The following CCDC30 variants were observed in gnomAD, a reference collection of about 807,000 sequenced individuals.
The protein encoded by CCDC30 is coiled-coil domain-containing protein 30.
Under a neutral mutation model 100.2 loss-of-function variants are expected in CCDC30, and 70 were observed. That is an observed-to-expected ratio of 0.70 (90% CI 0.58 to 0.85). The LOEUF (loss-of-function observed/expected upper bound fraction) is 0.85, where lower values mean the gene tolerates loss of function less well. Ranked by LOEUF, CCDC30 falls within the 40% of genes least tolerant of loss-of-function variation. The probability of loss-of-function intolerance (pLI) is 0.00; values close to 1 mark genes in which losing one functional copy is unlikely to be tolerated. For synonymous variants in CCDC30, 233 were observed against 269.5 expected (o/e 0.86, Z 1.33); for missense variants, 652 against 771.2 (o/e 0.85, Z 1.83).
Position 42,554,378 on chromosome 1 carries a change from A to G in CCDC30, c.457-11918A>G, listed in dbSNP as rs533620933. On this transcript the variant is annotated intron_variant, in intron 6 of 16. Transcript: ENST00000668663. ...CTGCAACTTCTGCCTCCTAGGTCCA[A>G]GAGATTCTCCTGCCTCAGCCTCCCA... 7.2e-5 allele frequency among the ~76,000 whole-genome samples: 11 copies of G among 151,800 alleles called. No individual in the cohort carries two copies. In the South Asian group the frequency reaches 2.3e-3, roughly 32 times the overall value.
At chr1:42,553,593 C>T (rs1285572395) in intron 6 of CCDC30, among the ~76,000 whole-genome samples, 1 of 150,688 alleles carries the variant, frequency 6.6e-6, no homozygotes, top group Non-Finnish European at 1.5e-5. Flanking sequence ...GAGTTCAAGG[C>T]TGCAGTGAGC....
chr1:42,529,088 T>C (rs968238791), intron 6 of CCDC30, among the ~76,000 whole-genome samples: 1 of 152,242 alleles, frequency 6.6e-6, no homozygotes, highest in Non-Finnish European at 1.5e-5. Flanking sequence ...ATCCTTTCAC[T>C]TACATCATCC....
chr1:42,560,616 A>G (rs1645467671), intron 6 of CCDC30, among the ~76,000 whole-genome samples: 1 of 151,876 alleles, frequency 6.6e-6, no homozygotes, highest in East Asian at 1.9e-4. Context: ...TGATCCTCCC[A>G]CCTTGGCCTC....
intron 10 of CCDC30, among the ~76,000 whole-genome samples, chr1:42,609,613 A>G (rs961450059): frequency 6.6e-6 from 1 of 151,848 alleles, no homozygotes; most frequent in African/African-American, 2.4e-5. Flanking sequence ...GGCAGTCCCA[A>G]AGTCAGTCCC....
At chr1:42,582,813 G>A (rs1317435482) in intron 9 of CCDC30, among the ~76,000 whole-genome samples, 1 of 152,134 alleles carries the variant, frequency 6.6e-6, no homozygotes, top group African/African-American at 2.4e-5. Flanking sequence ...GTAAAGCCAT[G>A]TTTCTTCTCC....
chr1:42,502,047 C>G (rs868465770), intron 6 of CCDC30, among the ~76,000 whole-genome samples: 1 of 152,172 alleles, frequency 6.6e-6, no homozygotes, highest in Admixed American at 6.5e-5. Flanking sequence ...TATGCCCTGC[C>G]CCCAGAGGTG....
Position 42,536,960 on chromosome 1 carries a change from G to A in CCDC30, c.457-29336G>A, listed in dbSNP as rs74878947. On this transcript the variant is annotated intron_variant, in intron 6 of 16. Transcript: ENST00000668663. Reference sequence around the variant, plus strand: ...AGGCCCCACCCTTATATCCTCATTTGACCTTTATCACCTCCTTATCAACCC... The same window carrying A: ...AGGCCCCACCCTTATATCCTCATTTAACCTTTATCACCTCCTTATCAACCC... 2.8e-4 allele frequency: 100 copies of A among 354,622 alleles called. 1 individual carries two copies. The East Asian group carries it at 7.3e-3, about 26-fold the overall frequency. The allele number at this position is 354,622 out of a possible 1,614,324, so 22.0% of individuals were successfully genotyped here. A position where few individuals can be genotyped will look rare whatever the true frequency, so the allele number is the denominator to read the frequency against.
At chr1:42,510,669 A>T (rs1644463734) in intron 6 of CCDC30, among the ~76,000 whole-genome samples, 1 of 151,682 alleles carries the variant, frequency 6.6e-6, no homozygotes, top group Non-Finnish European at 1.5e-5. Flanking sequence ...AAAAAAAAAA[A>T]AATGTGGAAA....
At chr1:42,552,401 C>T (rs937330811) in intron 6 of CCDC30, among the ~76,000 whole-genome samples, 2 of 152,054 alleles carry the variant, frequency 1.3e-5, no homozygotes, top group African/African-American at 4.8e-5. Flanking sequence ...ACTATGGAAA[C>T]ATAACAAAGG....
At chr1:42,617,740 G>T (rs1036905471) in intron 11 of CCDC30, among the ~76,000 whole-genome samples, 7 of 152,174 alleles carry the variant, frequency 4.6e-5, no homozygotes, top group Non-Finnish European at 7.3e-5. Context: ...CTATCTAGGT[G>T]TCATCAGCTG....
Position 42,614,154 on chromosome 1 carries a change from C to T in CCDC30, c.1277+3064C>T, listed in dbSNP as rs552142835. 2.7e-5 allele frequency among the ~76,000 whole-genome samples: 4 copies of T among 150,428 alleles called. No homozygotes were observed. The East Asian group carries it at 8.0e-4, about 30-fold the overall frequency. On this transcript the variant is annotated intron_variant, in intron 11 of 16. Transcript: ENST00000668663. ...AGAGTGCAGTGGCCGGATCTCGGCT[C>T]ACTGCAAGCTCCACCTCCTGGGTTC...
chr1:42,622,304 T>C (rs1454809059), intron 11 of CCDC30, among the ~76,000 whole-genome samples: 1 of 152,228 alleles, frequency 6.6e-6, no homozygotes, highest in Non-Finnish European at 1.5e-5. Flanking sequence ...TTCCATTATG[T>C]ATAAGTACCA....
intron 5 of CCDC30, among the ~76,000 whole-genome samples, chr1:42,497,769 T>G (rs1176406243): frequency 6.6e-6 from 1 of 152,172 alleles, no homozygotes; most frequent in Non-Finnish European, 1.5e-5. Flanking sequence ...ATGGCTAATA[T>G]CAAAACAACA....
chr1:42,497,902 G>A (rs1336488028), intron 5 of CCDC30, among the ~76,000 whole-genome samples: 1 of 152,160 alleles, frequency 6.6e-6, no homozygotes, highest in Non-Finnish European at 1.5e-5. Context: ...TCACCATGTG[G>A]TCTGACAATT....
intron 1 of CCDC30, among the ~76,000 whole-genome samples, chr1:42,476,883 GTT>G (rs755925608): frequency 7.9e-6 from 1 of 126,478 alleles, no homozygotes; most frequent in Admixed American, 7.6e-5. Context: ...GTTGATGGAA[GTT>G]TTTTTTTTTG....
At chr1:42,644,862 C>T (rs896340971) in intron 14 of CCDC30, 55 bp downstream of exon 18, 48 of 1,110,618 alleles carry the variant, frequency 4.3e-5, no homozygotes, top group East Asian at 1.2e-4. Flanking sequence ...CGGGTTGCTA[C>T]GGCTGCTGTG....
intron 11 of CCDC30, among the ~76,000 whole-genome samples, chr1:42,613,735 A>C (rs1350614450): frequency 6.6e-6 from 1 of 152,144 alleles, no homozygotes; most frequent in Non-Finnish European, 1.5e-5. Flanking sequence ...GGGAGTGAGG[A>C]CGACCAGAGG....
chr1:42,642,512 A>G, exon 13 of CCDC30: 2 of 1,600,244 alleles, frequency 1.2e-6, no homozygotes, highest in Non-Finnish European at 8.5e-7. Context: ...CCAAAATGAT[A>G]CCCTGCTTCT....
At chr1:42,525,270 C>A (rs1179648210) in intron 6 of CCDC30, among the ~76,000 whole-genome samples, 1 of 152,166 alleles carries the variant, frequency 6.6e-6, no homozygotes, top group African/African-American at 2.4e-5. Context: ...GTGAATCCAA[C>A]TACATGTGTT....
Sources: gnomAD v4.1 joint callset for allele counts (sites outside exome capture counted in the v4.1 genomes callset) on GRCh38, gnomAD v4.1.1 for gene constraint, MANE v1.5 for transcripts, NCBI Gene and HGNC (gene_info 2026-07-23, HGNC 2026-07-21) for gene names.